DENR: variants seen among roughly 807,000 people sequenced by gnomAD.
The protein encoded by DENR is density regulated re-initiation and release factor, also known as density-regulated protein.
A neutral mutation model predicts 30.6 loss-of-function variants in DENR; 6 were observed. The ratio of observed to expected loss-of-function variants is 0.20; its 90% CI spans 0.11 to 0.39. The LOEUF (loss-of-function observed/expected upper bound fraction) is 0.39. Ranked by LOEUF, DENR falls within the 10% of genes least tolerant of loss-of-function variation. DENR has a pLI of 1.00. For synonymous variants in DENR, 78 were observed against 72.1 expected (o/e 1.08, Z -0.41); for missense variants, 141 against 230.9 (o/e 0.61, Z 2.52).
chr12:122,765,427 C>T lies in DENR; in HGVS notation c.295+40C>T, dbSNP rs75480045. On this transcript the variant is annotated intron_variant, in intron 5 of 7. Transcript: ENST00000280557. ...CACATCTTGATTTGTACAGTCATAC[C>T]GTCACTGCGATAGAAAATGTAAGTA... is the stretch of plus-strand genomic sequence containing the variant. 1.6e-3 allele frequency: 2,310 copies of T among 1,474,316 alleles called. 27 individuals are homozygous for T. In the African/African-American group the frequency reaches 0.028, roughly 18 times the overall value. The allele number at this position is 1,474,316 out of a possible 1,614,324, so 91.3% of individuals were successfully genotyped here. A position where few individuals can be genotyped will look rare whatever the true frequency, so the allele number is the denominator to read the frequency against.
At chr12:122,767,638 G>T in intron 6 of DENR, 34 bp downstream of exon 6, 1 of 1,274,900 alleles carries the variant, frequency 7.8e-7, no homozygotes, top group South Asian at 1.5e-5. Flanking sequence ...TAAAATGTGT[G>T]AACTATTTTC....
intron 5 of DENR, among the ~76,000 whole-genome samples, chr12:122,766,775 TG>T (rs1348665530): frequency 6.6e-6 from 1 of 152,226 alleles, no homozygotes. Context: ...TGTGGCCTAG[TG>T]GCCATTACTG....
chr12:122,753,732 G>T lies in DENR; in HGVS notation c.31G>T (p.Ala11Ser), dbSNP rs1382353815. Reference sequence around the variant, plus strand: ...TGCTGACATTTCTGAATCCAGCGGGGCTGACTGCAAAGGAGACCCAAGGAA... The same window carrying T: ...TGCTGACATTTCTGAATCCAGCGGGTCTGACTGCAAAGGAGACCCAAGGAA... MAADISESSG[A>S]DCKGDPRNSA... The change falls in exon 2 of 8, where the codon GCT becomes TCT. Residue 11 changes from alanine (A) to serine (S), a missense_variant. Ala to Ser is a moderately conservative substitution (Grantham distance 99). This residue lies in a region of DENR where 104 missense variants were observed against 138.3 expected (regional missense o/e 0.75). Transcript: ENST00000280557. 3 of 1,614,030 alleles carry T rather than the reference G, an allele frequency of 1.9e-6. No homozygotes were observed. Among genetic ancestry groups the T allele is most frequent in the South Asian group, 2.2e-5 (2 of 91,086 alleles).
At chr12:122,756,777 T>C (rs1262108192) in intron 2 of DENR, among the ~76,000 whole-genome samples, 1 of 152,222 alleles carries the variant, frequency 6.6e-6, no homozygotes, top group Non-Finnish European at 1.5e-5. Flanking sequence ...CTGGGGCACC[T>C]GATTTGTAGA....
chr12:122,766,874 C>G (rs1275557322), intron 5 of DENR, among the ~76,000 whole-genome samples: 1 of 152,194 alleles, frequency 6.6e-6, no homozygotes, highest in East Asian at 1.9e-4. Flanking sequence ...CTTCACAGAT[C>G]CACCGAAACA....
intron 4 of DENR, among the ~76,000 whole-genome samples, chr12:122,764,610 G>T (rs1416235694): frequency 6.6e-6 from 1 of 152,170 alleles, no homozygotes; most frequent in African/African-American, 2.4e-5. Flanking sequence ...AAAAAAAATG[G>T]AGTTGCCATT....
chr12:122,755,531 A>G (rs559248176), intron 2 of DENR, among the ~76,000 whole-genome samples: 2 of 152,334 alleles, frequency 1.3e-5, no homozygotes, highest in African/African-American at 4.8e-5. Context: ...GTGAGCCGAG[A>G]TCACGCCATT....
chr12:122,757,449 A>G (rs1878580158), intron 2 of DENR, among the ~76,000 whole-genome samples: 1 of 152,230 alleles, frequency 6.6e-6, no homozygotes, highest in Admixed American at 6.5e-5. Flanking sequence ...AGAACCAACC[A>G]GTTCTACTTG....
At chr12:122,761,308 A>G (rs1037011461) in intron 2 of DENR, among the ~76,000 whole-genome samples, 1 of 152,162 alleles carries the variant, frequency 6.6e-6, no homozygotes, top group Non-Finnish European at 1.5e-5. Flanking sequence ...GCTACTTGGG[A>G]GGCTGAGGCA....
At chr12:122,762,317 G>T in intron 3 of DENR, 111 bp downstream of exon 3, 1 of 758,472 alleles carries the variant, frequency 1.3e-6, no homozygotes, top group Non-Finnish European at 2.1e-6. Flanking sequence ...TGATAGTAAA[G>T]CTTTAACCTT....
chr12:122,762,887 T>G lies in DENR; in HGVS notation c.169T>G (p.Leu57Val), dbSNP rs1462530815. ...TGATGTTGCTAAATGTAGACAATGG[T>G]TAGAGAAGAATTTTCCAAATGAATT... ...MPDVAKCRQW[L>V]EKNFPNEFAK... The change falls in exon 4 of 8, where the codon TTA (leucine) becomes GTA (valine). Residue 57 changes from leucine to valine, a missense_variant. Coordinates refer to ENST00000280557, the MANE Select transcript of DENR (RefSeq NM_003677.5). 1.3e-6 allele frequency: 2 copies of G among 1,549,874 alleles called. No homozygotes were observed. The highest frequency in any genetic ancestry group is 1.7e-6 in the Non-Finnish European group (2 of 1,146,516).
Position 122,768,946 on chromosome 12 carries a change from G to T in DENR, c.552+25G>T, listed in dbSNP as rs769460847. The T allele has an allele frequency of 2.5e-6, 4 of 1,603,840 alleles. No homozygotes were observed. In the East Asian group the frequency reaches 6.7e-5, roughly 27 times the overall value. On this transcript the variant is annotated intron_variant, in intron 7 of 7. Transcript: ENST00000280557. ...GGTGAGTGCATGGAACACATACATC[G>T]CTAGAGATAAGTTTTTAAAGCAAAT...
At chr12:122,762,237 T>G in intron 3 of DENR, 31 bp downstream of exon 3, 1 of 1,350,554 alleles carries the variant, frequency 7.4e-7, no homozygotes, top group Non-Finnish European at 1.0e-6. Flanking sequence ...TTTTACCTTA[T>G]GTATTTGAAG....
rs1566061564 is a variant in DENR, at chr12:122,769,257, T to TGTATAC, written c.*179_*180insGTATAC. 2.9e-6 allele frequency: 2 copies of TGTATAC among 698,162 alleles called. No homozygotes were observed. Among genetic ancestry groups the TGTATAC allele is most frequent in the African/African-American group, 4.4e-5 (2 of 45,700 alleles). The allele number at this position is 698,162 out of a possible 1,614,324, so 43.2% of individuals were successfully genotyped here. On this transcript the variant is annotated 3_prime_UTR_variant, in exon 8 of 8. Coordinates refer to ENST00000280557, the MANE Select transcript of DENR (RefSeq NM_003677.5). ...GTGTATGTATACATGTATATATATA[T>TGTATAC]ACATACACATATATGTATACATATA...
At chr12:122,758,507 G>C (rs148614482) in intron 2 of DENR, among the ~76,000 whole-genome samples, 18 of 151,608 alleles carry the variant, frequency 1.2e-4, no homozygotes, top group Admixed American at 9.9e-4. Context: ...CCATGTGGTG[G>C]TAACTTTGCT....
intron 7 of DENR, 48 bp from the exon 8 acceptor site, chr12:122,768,986 C>T: frequency 6.2e-7 from 1 of 1,606,306 alleles, no homozygotes; most frequent in Non-Finnish European, 8.5e-7. Flanking sequence ...TCCATTTTTT[C>T]TTAATTGCAA....
At chr12:122,764,416 G>A (rs1170554182) in intron 4 of DENR, among the ~76,000 whole-genome samples, 1 of 152,094 alleles carries the variant, frequency 6.6e-6, no homozygotes, top group Admixed American at 6.6e-5. Context: ...TGGCTAACAC[G>A]GTGAAACCCT....
chr12:122,757,841 G>A (rs763379025), intron 2 of DENR, among the ~76,000 whole-genome samples: 1 of 152,146 alleles, frequency 6.6e-6, no homozygotes, highest in Non-Finnish European at 1.5e-5. Context: ...GCCTGAAATG[G>A]GTTGAAACTG....
At chr12:122,754,906 A>T (rs1481022853) in intron 2 of DENR, among the ~76,000 whole-genome samples, 1 of 152,228 alleles carries the variant, frequency 6.6e-6, no homozygotes, top group African/African-American at 2.4e-5. Flanking sequence ...CAAAGAAAAG[A>T]TACAATGTTT....
Sources: gnomAD v4.1 joint callset for allele counts (sites outside exome capture counted in the v4.1 genomes callset) on GRCh38, gnomAD v4.1.1 for gene constraint, gnomAD v4.1.1 regional missense constraint, MANE v1.5 for transcripts, NCBI Gene and HGNC (gene_info 2026-07-23, HGNC 2026-07-21) for gene names.